MARCHF1: variants seen among roughly 807,000 people sequenced by gnomAD.
The protein encoded by MARCHF1 is membrane associated ring-CH-type finger 1.
A neutral mutation model predicts 54.2 loss-of-function variants in MARCHF1; 40 were observed. That is an observed-to-expected ratio of 0.74 (90% CI 0.57 to 0.96). MARCHF1 has a LOEUF of 0.96. MARCHF1 is among the 40% of genes least tolerant of loss of function. MARCHF1 has a pLI of 0.00. For synonymous variants in MARCHF1, 236 were observed against 236.3 expected (o/e 1.00, Z 0.01); for missense variants, 586 against 656.5 (o/e 0.89, Z 1.17).
chr4:163,719,885 T>C (rs1478856617), intron 4 of MARCHF1, among the ~76,000 whole-genome samples: 1 of 152,222 alleles, frequency 6.6e-6, no homozygotes, highest in African/African-American at 2.4e-5. Context: ...GTTGTTTTTT[T>C]CTTGTAAATT....
chr4:164,019,973 T>A (rs1753626884), intron 2 of MARCHF1, among the ~76,000 whole-genome samples: 1 of 152,140 alleles, frequency 6.6e-6, no homozygotes, highest in Admixed American at 6.5e-5. Context: ...AAAACTGAAA[T>A]TTTTAATTCA....
At chr4:163,632,803 C>G (rs1742153614) in intron 5 of MARCHF1, among the ~76,000 whole-genome samples, 1 of 152,228 alleles carries the variant, frequency 6.6e-6, no homozygotes, top group Non-Finnish European at 1.5e-5. Context: ...AGGTCACAGA[C>G]AAACAAAAAG....
At chr4:163,761,644 C>T (rs1746828643) in intron 4 of MARCHF1, among the ~76,000 whole-genome samples, 1 of 152,204 alleles carries the variant, frequency 6.6e-6, no homozygotes, top group Non-Finnish European at 1.5e-5. Flanking sequence ...CCACAGTAAT[C>T]TTCCTTGTTG....
intron 1 of MARCHF1, among the ~76,000 whole-genome samples, chr4:164,204,310 G>A (rs1731546962): frequency 6.6e-6 from 1 of 152,152 alleles, no homozygotes; most frequent in African/African-American, 2.4e-5. Context: ...TATAAGAGCA[G>A]TCAAATAAAA....
intron 1 of MARCHF1, among the ~76,000 whole-genome samples, chr4:164,169,277 C>T (rs1041052563): frequency 6.6e-6 from 1 of 152,068 alleles, no homozygotes; most frequent in African/African-American, 2.4e-5. Flanking sequence ...ACTCAAGACC[C>T]TTGCCTTTGA....
intron 7 of MARCHF1, among the ~76,000 whole-genome samples, chr4:163,608,623 A>T (rs1461503844): frequency 3.9e-5 from 6 of 152,082 alleles, no homozygotes; most frequent in African/African-American, 1.4e-4. Context: ...CTGTGGGTAT[A>T]ATAGTATGAT....
At chr4:164,069,361 A>G (rs1057513023) in intron 2 of MARCHF1, among the ~76,000 whole-genome samples, 3 of 152,200 alleles carry the variant, frequency 2.0e-5, no homozygotes, top group African/African-American at 7.2e-5. Flanking sequence ...CCCCTTCCAC[A>G]CTGCGGAAGC....
chr4:163,920,076 G>A (rs1751389869), intron 3 of MARCHF1, among the ~76,000 whole-genome samples: 1 of 146,584 alleles, frequency 6.8e-6, no homozygotes, highest in African/African-American at 2.7e-5. Context: ...AATTAATTTA[G>A]AATTAGGTAA....
intron 1 of MARCHF1, among the ~76,000 whole-genome samples, chr4:164,152,931 A>G (rs1433111305): frequency 6.6e-6 from 1 of 152,060 alleles, no homozygotes; most frequent in Non-Finnish European, 1.5e-5. Context: ...AACCAAACCA[A>G]TGGATTTCTT....
chr4:163,820,553 G>A (rs1338200543), intron 4 of MARCHF1, among the ~76,000 whole-genome samples: 4 of 152,028 alleles, frequency 2.6e-5, no homozygotes, highest in African/African-American at 9.7e-5. Context: ...TCAAAGTCTA[G>A]TTACATCTTA....
At chr4:163,721,679 G>A (rs1480390869) in intron 4 of MARCHF1, among the ~76,000 whole-genome samples, 2 of 152,052 alleles carry the variant, frequency 1.3e-5, no homozygotes, top group Non-Finnish European at 2.9e-5. Context: ...TTGTTTGGTA[G>A]GCTATTAATT....
At chr4:164,220,481 TG>T (rs1275981982) in intron 1 of MARCHF1, among the ~76,000 whole-genome samples, 2 of 145,858 alleles carry the variant, frequency 1.4e-5, no homozygotes, top group Non-Finnish European at 3.0e-5. Flanking sequence ...GGAATATATA[TG>T]GGAGCATATA....
intron 4 of MARCHF1, among the ~76,000 whole-genome samples, chr4:163,715,692 T>C (rs1745236105): frequency 6.6e-6 from 1 of 152,086 alleles, no homozygotes; most frequent in Non-Finnish European, 1.5e-5. Context: ...AACTAATGAC[T>C]ATTCAAGACA....
At chr4:164,041,834 A>G (rs1754135872) in intron 2 of MARCHF1, among the ~76,000 whole-genome samples, 1 of 152,182 alleles carries the variant, frequency 6.6e-6, no homozygotes, top group Non-Finnish European at 1.5e-5. Context: ...ATGGTATGCT[A>G]TAATATTTCA....
chr4:163,750,466 G>A (rs1019462054), intron 4 of MARCHF1, among the ~76,000 whole-genome samples: 1 of 151,480 alleles, frequency 6.6e-6, no homozygotes, highest in African/African-American at 2.4e-5. Flanking sequence ...AGCTGAGATC[G>A]CGCCACTGCA....
chr4:164,231,034 C>A (rs1458388548), intron 1 of MARCHF1, among the ~76,000 whole-genome samples: 1 of 152,062 alleles, frequency 6.6e-6, no homozygotes, highest in African/African-American at 2.4e-5. Context: ...CTAGCAGGAT[C>A]CTCTCTTATT....
intron 1 of MARCHF1, chr4:164,130,133 A>G (rs1435589383): frequency 1.3e-5 from 2 of 152,202 alleles, no homozygotes; most frequent in Admixed American, 1.3e-4. Flanking sequence ...TACTTTATAA[A>G]CATTATTATT....
chr4:164,064,733 A>C (rs1754691094), intron 2 of MARCHF1, among the ~76,000 whole-genome samples: 1 of 152,136 alleles, frequency 6.6e-6, no homozygotes, highest in African/African-American at 2.4e-5. Flanking sequence ...GCTGATTTTC[A>C]AGGGGAATGC....
At chr4:164,063,933 T>C (rs6536787) in intron 2 of MARCHF1, among the ~76,000 whole-genome samples, 112,322 of 152,052 alleles carry the variant, frequency 0.74, 41,954 homozygotes, top group Non-Finnish European at 0.79. Context: ...TTCTCCATTG[T>C]TTGTTTTTGT....
Sources: allele counts gnomAD v4.1 joint callset (sites outside exome capture counted in the v4.1 genomes callset), GRCh38; gene constraint gnomAD v4.1.1; transcripts MANE v1.5; gene names NCBI Gene and HGNC (gene_info 2026-07-23, HGNC 2026-07-21).